MVB12B: variants seen among roughly 807,000 people sequenced by gnomAD.
MVB12B encodes multivesicular body subunit 12B, also known as ESCRT-I complex subunit MVB12B.
A neutral mutation model predicts 41.6 loss-of-function variants in MVB12B; 16 were observed. The observed-to-expected ratio is 0.38, with a 90% CI of 0.26 to 0.58. The LOEUF is 0.58. Ranked by LOEUF, MVB12B falls within the 20% of genes least tolerant of loss-of-function variation. MVB12B has a pLI of 0.62. For synonymous variants in MVB12B, 133 were observed against 139.7 expected, an observed-to-expected ratio of 0.95 and a Z score of 0.34; for missense variants, 274 against 380.2, an observed-to-expected ratio of 0.72 and a Z score of 2.32.
intron 9 of MVB12B, among the ~76,000 whole-genome samples, chr9:126,494,971 C>T (rs543144122): frequency 2.6e-4 from 39 of 151,748 alleles, no homozygotes; most frequent in Admixed American, 1.3e-3. Context: ...GTGGGTGGAT[C>T]ACTGGAGCCC....
chr9:126,347,648 T>TA (rs1248017321), intron 2 of MVB12B, among the ~76,000 whole-genome samples: 1 of 152,160 alleles, frequency 6.6e-6, no homozygotes, highest in Non-Finnish European at 1.5e-5. Flanking sequence ...TTTTACTTAC[T>TA]AAAGTAAGAG....
chr9:126,424,066 C>T (rs1010910353), intron 7 of MVB12B, among the ~76,000 whole-genome samples: 1 of 152,322 alleles, frequency 6.6e-6, no homozygotes, highest in Non-Finnish European at 1.5e-5. Flanking sequence ...GCCTTTGGTG[C>T]AGACTCCTGG....
Position 126,503,077 on chromosome 9 carries a change from C to T in MVB12B, c.874-100C>T, listed in dbSNP as rs1035377970. Reference sequence around the variant, plus strand: ...CGCCATGTCAAGATGCCCCACGAGGCGGCCCAGGCCTCTGCCTGATCTTGA... The same window carrying T: ...CGCCATGTCAAGATGCCCCACGAGGTGGCCCAGGCCTCTGCCTGATCTTGA... On this transcript the variant is annotated intron_variant, in intron 9 of 9. Coordinates refer to ENST00000361171, the MANE Select transcript of MVB12B (RefSeq NM_033446.3). 1.2e-4 allele frequency: 128 copies of T among 1,073,310 alleles called. No homozygotes were observed. In the Admixed American group the frequency reaches 2.1e-3, roughly 18 times the overall value. 66.5% of individuals were successfully genotyped at this position (1,073,310 alleles called of 1,614,324 possible).
chr9:126,424,461 C>G (rs1417946724), intron 7 of MVB12B, among the ~76,000 whole-genome samples: 2 of 152,174 alleles, frequency 1.3e-5, no homozygotes, highest in Non-Finnish European at 2.9e-5. Context: ...CTGCCTTGCA[C>G]AGGAGTACCC....
chr9:126,346,272 T>C (rs1326956274), intron 2 of MVB12B, among the ~76,000 whole-genome samples: 1 of 152,044 alleles, frequency 6.6e-6, no homozygotes, highest in African/African-American at 2.4e-5. Flanking sequence ...CTATTGACAA[T>C]GGACATGTGA....
chr9:126,335,379 C>T (rs1421842216), intron 1 of MVB12B: 15 of 1,304,344 alleles, frequency 1.2e-5, no homozygotes, highest in Non-Finnish European at 1.5e-5. Context: ...AGCATGGACA[C>T]TGGCCTCAGC....
At chr9:126,455,156 ATTTAT>A (rs143369327) in intron 7 of MVB12B, among the ~76,000 whole-genome samples, 22 of 152,122 alleles carry the variant, frequency 1.4e-4, no homozygotes, top group East Asian at 3.9e-4. Flanking sequence ...CTAGAGGTGA[ATTTAT>A]TTTATTTTAT....
intron 9 of MVB12B, among the ~76,000 whole-genome samples, chr9:126,494,362 C>G (rs1212223572): frequency 6.6e-6 from 1 of 152,186 alleles, no homozygotes; most frequent in East Asian, 1.9e-4. Flanking sequence ...ACATCTTGTT[C>G]CCGTGGTGGC....
rs1410740949 is a variant in MVB12B at position 126,506,510 on chromosome 9, A to G, written c.*3247A>G. On this transcript the variant is annotated 3_prime_UTR_variant, in exon 10 of 10. Transcript: ENST00000361171. Reference sequence around the variant, plus strand: ...GGCCACTGTGCAGTGGGCGCAGAGCATGGTCAGGAGTGGCCTGCCCGTACT... The same window carrying G: ...GGCCACTGTGCAGTGGGCGCAGAGCGTGGTCAGGAGTGGCCTGCCCGTACT... 1.3e-5 allele frequency: 2 copies of G among 152,312 alleles called. No individual in the cohort carries two copies. Among genetic ancestry groups the G allele is most frequent in the African/African-American group, 2.4e-5 (1 of 41,464 alleles). 9.4% of individuals were successfully genotyped at this position (152,312 alleles called of 1,614,324 possible).
rs1349226641 is a variant in MVB12B, at chr9:126,389,022, G to A, written c.409+2364G>A. ...TCTGCATTTTCCTCTAGGTTAGTTG[G>A]ACCAGTTCACTGAGGCTCTGTCCTG... On this transcript the variant is annotated intron_variant, in intron 4 of 9. Coordinates refer to ENST00000361171, the MANE Select transcript of MVB12B (RefSeq NM_033446.3). The surrounding 1 kb of genome is among the most constrained non-coding windows in gnomAD (Gnocchi z 4.4). Among the ~76,000 whole-genome samples the A allele has an allele frequency of 6.6e-6, 1 of 152,202 alleles. No individual in the cohort carries two copies. The highest frequency in any genetic ancestry group is 1.5e-5 in the Non-Finnish European group (1 of 68,046).
chr9:126,405,163 C>T (rs1318149859), intron 6 of MVB12B, among the ~76,000 whole-genome samples: 2 of 151,692 alleles, frequency 1.3e-5, no homozygotes, highest in Non-Finnish European at 2.9e-5. Context: ...GTATTTGCTG[C>T]TTGTAAATGT....
At chr9:126,495,085 G>C (rs184234329) in intron 9 of MVB12B, among the ~76,000 whole-genome samples, 240 of 152,044 alleles carry the variant, frequency 1.6e-3, no homozygotes, top group African/African-American at 5.4e-3. Context: ...CCAGCTACTG[G>C]GGAGGCCAAG....
At position 126,436,598 on chromosome 9, in the gene MVB12B, T is replaced by C. The variant is rs1564329592; in HGVS notation, c.757+14650T>C. 6.6e-6 allele frequency among the ~76,000 whole-genome samples: 1 copy of C among 152,378 alleles called. No individual in the cohort carries two copies. The highest frequency in any genetic ancestry group is 2.1e-4 in the South Asian group (1 of 4,830). On this transcript the variant is annotated intron_variant, in intron 7 of 9. Transcript: ENST00000361171. The surrounding 1 kb of genome is among the most constrained non-coding windows in gnomAD (Gnocchi z 4.1). The stretch of plus-strand genomic sequence containing the variant: ...CTACATGTATGTGTATGTATGCAAC[T>C]TGCAGCTGTGGAGCTGTAACTACAT...
At chr9:126,401,636 C>T (rs570827379) in intron 6 of MVB12B, among the ~76,000 whole-genome samples, 1 of 152,332 alleles carries the variant, frequency 6.6e-6, no homozygotes, top group East Asian at 1.9e-4. Context: ...AATGGCCCTT[C>T]CTAGAGGAGA....
At chr9:126,490,446 C>T (rs1045815177) in intron 9 of MVB12B, among the ~76,000 whole-genome samples, 3 of 152,268 alleles carry the variant, frequency 2.0e-5, no homozygotes, top group South Asian at 2.1e-4. Context: ...TGGAGAAGTC[C>T]GGAGCGACTT....
At chr9:126,432,370 C>T (rs1195309378) in intron 7 of MVB12B, among the ~76,000 whole-genome samples, 1 of 152,232 alleles carries the variant, frequency 6.6e-6, no homozygotes, top group Non-Finnish European at 1.5e-5. Flanking sequence ...CCAGACACTC[C>T]TGCCTAGAGG....
At chr9:126,381,031 C>G (rs770820207) in intron 2 of MVB12B, 33 bp from the exon 3 acceptor site, 1 of 1,585,082 alleles carries the variant, frequency 6.3e-7, no homozygotes, top group African/African-American at 1.3e-5. Context: ...TCCTGCCTTA[C>G]CTGCAATCCT....
chr9:126,380,920 C>A, intron 2 of MVB12B, 144 bp from the exon 3 acceptor site: 1 of 583,832 alleles, frequency 1.7e-6, no homozygotes, highest in South Asian at 2.3e-5. Flanking sequence ...AATCTCATCC[C>A]AGTGCCTAGT....
At position 126,415,393 on chromosome 9, in the gene MVB12B, A is replaced by G. The variant is rs4837081; in HGVS notation, c.663-6461A>G. ...GGCACTGACCAATAAAGAGTCTTCT[A>G]AAATATTTTAAAAGACAGCCAAATA... On this transcript the variant is annotated intron_variant, in intron 6 of 9. Coordinates refer to ENST00000361171, the MANE Select transcript of MVB12B (RefSeq NM_033446.3). 8.6e-3 allele frequency among the ~76,000 whole-genome samples: 1,306 copies of G among 151,458 alleles called. 35 individuals carry two copies. The highest frequency in any genetic ancestry group is 0.057 in the East Asian group (298 of 5,184).
Sources: allele counts gnomAD v4.1 joint callset (sites outside exome capture counted in the v4.1 genomes callset), GRCh38; gene constraint gnomAD v4.1.1; non-coding constraint Gnocchi (gnomAD v3.1); transcripts MANE v1.5; gene names NCBI Gene and HGNC (gene_info 2026-07-23, HGNC 2026-07-21).